The following NUP155 variants were observed in gnomAD, a reference collection of about 807,000 sequenced individuals.
NUP155 encodes the protein nuclear pore complex protein Nup155.
In NUP155, 71 loss-of-function variants were observed where a neutral mutation model predicts 180.4. The ratio of observed to expected loss-of-function variants is 0.39; its 90% CI spans 0.33 to 0.48. The LOEUF is 0.48. Ranked by LOEUF, NUP155 falls within the 20% of genes least tolerant of loss-of-function variation. The pLI is 0.91. For synonymous variants in NUP155, 582 were observed against 559.5 expected, an observed-to-expected ratio of 1.04 and a Z score of -0.57; for missense variants, 1,553 against 1,648.9, an observed-to-expected ratio of 0.94 and a Z score of 1.01.
At chr5:37,354,564 T>C (rs1034523764) in intron 4 of NUP155, among the ~76,000 whole-genome samples, 2 of 150,616 alleles carry the variant, frequency 1.3e-5, no homozygotes, top group Non-Finnish European at 3.0e-5. Context: ...GCTCAAGCGA[T>C]CCTCCCGCTT....
At chr5:37,319,813 G>A (rs1223184491) in intron 20 of NUP155, among the ~76,000 whole-genome samples, 1 of 152,142 alleles carries the variant, frequency 6.6e-6, no homozygotes, top group East Asian at 1.9e-4. Flanking sequence ...CAAAGTTGCG[G>A]TGAGCCGTGA....
chr5:37,329,200 A>G lies in NUP155; in HGVS notation c.1803T>C (p.Pro601=), dbSNP rs760092525. The G allele has an allele frequency of 6.2e-7, 1 of 1,612,508 alleles. No homozygotes were observed. Among genetic ancestry groups the G allele is most frequent in the South Asian group, 1.1e-5 (1 of 91,048 alleles). Residue 601 remains proline (P), a synonymous_variant, in exon 16 of 35, where the codon CCT becomes CCC. Coordinates refer to ENST00000231498, the MANE Select transcript of NUP155 (RefSeq NM_153485.3). Reference sequence around the variant, plus strand: ...ATGTTCCATACTCACTAGAATAGACAGGAGACCCCAAGATGGGACCAACAT... The same window carrying G: ...ATGTTCCATACTCACTAGAATAGACGGGAGACCCCAAGATGGGACCAACAT... ...PSNVGPILGS[P]VYSSSPVPSG...
At chr5:37,293,737 C>T (rs1334122053) in intron 33 of NUP155, among the ~76,000 whole-genome samples, 5 of 77,446 alleles carry the variant, frequency 6.5e-5, no homozygotes, top group East Asian at 5.1e-4. Context: ...CGGTGGCTCA[C>T]GCCTGTAATC....
At chr5:37,321,155 T>C (rs183498252) in intron 20 of NUP155, among the ~76,000 whole-genome samples, 1 of 151,968 alleles carries the variant, frequency 6.6e-6, no homozygotes, top group Admixed American at 6.6e-5. Context: ...AGATCAGCCT[T>C]GCCAACATGG....
At chr5:37,354,866 C>A (rs1484951603) in intron 4 of NUP155, among the ~76,000 whole-genome samples, 2 of 151,956 alleles carry the variant, frequency 1.3e-5, no homozygotes, top group African/African-American at 4.8e-5. Context: ...CAGAGACGGG[C>A]GGATCACTTG....
At chr5:37,295,401 A>C (rs217811) in intron 32 of NUP155, among the ~76,000 whole-genome samples, 4,104 of 151,520 alleles carry the variant, frequency 0.027, 189 homozygotes, top group African/African-American at 0.094. Flanking sequence ...TCCCTACAAC[A>C]TCCACCTCCC....
chr5:37,342,505 G>GA (rs1346524252), intron 10 of NUP155, 44 bp downstream of exon 10: 1 of 1,196,020 alleles, frequency 8.4e-7, no homozygotes, highest in Non-Finnish European at 1.2e-6. Context: ...AGAATTTTCA[G>GA]AAGTTGTAAC....
intron 21 of NUP155, among the ~76,000 whole-genome samples, chr5:37,317,186 A>G (rs1401702365): frequency 6.8e-6 from 1 of 146,184 alleles, no homozygotes; most frequent in Non-Finnish European, 1.5e-5. Flanking sequence ...TAAATAAATA[A>G]ATAAAATAAA....
In NUP155 at chr5:37,364,395, A is replaced by T. The variant is rs765060971; in HGVS notation, c.158-11T>A. The T allele has an allele frequency of 6.2e-7, 1 of 1,610,076 alleles. No individual in the cohort carries two copies. Among genetic ancestry groups the T allele is most frequent in the Non-Finnish European group, 8.5e-7 (1 of 1,176,464 alleles). ...AAACGGTGGGATTATCTACAAAAAGAAAATGAAGTATTTATAATAATGTAC... is the reference window on the plus strand; with the variant it reads ...AAACGGTGGGATTATCTACAAAAAGTAAATGAAGTATTTATAATAATGTAC... On this transcript the variant is annotated splice_polypyrimidine_tract_variant and intron_variant, in intron 1 of 34. Coordinates refer to ENST00000231498, the MANE Select transcript of NUP155 (RefSeq NM_153485.3).
chr5:37,327,810 T>A, intron 17 of NUP155, 34 bp from the exon 18 acceptor site: 1 of 1,608,324 alleles, frequency 6.2e-7, no homozygotes, highest in Non-Finnish European at 8.5e-7. Flanking sequence ...AATCTCTTAA[T>A]CTTAATCTTA....
At chr5:37,307,669 TC>T (rs1743242466) in intron 24 of NUP155, among the ~76,000 whole-genome samples, 1 of 152,152 alleles carries the variant, frequency 6.6e-6, no homozygotes, top group Non-Finnish European at 1.5e-5. Flanking sequence ...ACGCCTGTAA[TC>T]CCAGCACTTT....
intron 4 of NUP155, among the ~76,000 whole-genome samples, chr5:37,357,791 G>C (rs983058798): frequency 6.6e-6 from 1 of 151,826 alleles, no homozygotes; most frequent in African/African-American, 2.4e-5. Flanking sequence ...GTCAGGAGTT[G>C]AGACCAGCCT....
At chr5:37,301,590 G>T in intron 29 of NUP155, 40 bp from the exon 30 acceptor site, 1 of 1,192,886 alleles carries the variant, frequency 8.4e-7, no homozygotes, top group Non-Finnish European at 1.3e-6. Flanking sequence ...ATTTATTTAT[G>T]ATAAATCAAC....
chr5:37,335,383 A>C (rs1320361333), intron 12 of NUP155, among the ~76,000 whole-genome samples: 1 of 148,318 alleles, frequency 6.7e-6, no homozygotes, highest in Non-Finnish European at 1.5e-5. Flanking sequence ...TGTCTCAGAA[A>C]AAAAAAAAAA....
chr5:37,313,280 A>C (rs888326872), intron 22 of NUP155, among the ~76,000 whole-genome samples: 1 of 151,978 alleles, frequency 6.6e-6, no homozygotes, highest in East Asian at 1.9e-4. Context: ...AAATACAAAA[A>C]ATTAGCTGGG....
At chr5:37,337,294 T>C (rs1235718346) in intron 12 of NUP155, among the ~76,000 whole-genome samples, 1 of 151,990 alleles carries the variant, frequency 6.6e-6, no homozygotes, top group Non-Finnish European at 1.5e-5. Context: ...AAAAATGAAA[T>C]ACAATAAGAA....
chr5:37,337,165 T>A (rs1386623158), intron 12 of NUP155, among the ~76,000 whole-genome samples: 1 of 152,108 alleles, frequency 6.6e-6, no homozygotes, highest in Non-Finnish European at 1.5e-5. Flanking sequence ...GTTCGTGGGT[T>A]CATAGCAGCC....
At position 37,369,960 on chromosome 5, in the gene NUP155, T is replaced by C. The variant is rs556408552; in HGVS notation, c.157+861A>G. Among the ~76,000 whole-genome samples the C allele has an allele frequency of 1.8e-4, 27 of 152,382 alleles. No individual in the cohort carries two copies. The South Asian group carries it at 5.6e-3, about 32-fold the overall frequency. On this transcript the variant is annotated intron_variant, in intron 1 of 34. Coordinates refer to ENST00000231498, the MANE Select transcript of NUP155 (RefSeq NM_153485.3). ...CAGTCACCTATATTGTCAACACATA[T>C]TCTGCCTTACTCTCCCTGTACATAA...
intron 33 of NUP155, 136 bp from the exon 34 acceptor site, chr5:37,293,121 TA>T (rs1742322752): frequency 1.5e-6 from 1 of 648,150 alleles, no homozygotes; most frequent in African/African-American, 1.8e-5. Flanking sequence ...ACATGGCTAC[TA>T]AATTATATAT....
Sources: allele counts gnomAD v4.1 joint callset (sites outside exome capture counted in the v4.1 genomes callset), GRCh38; gene constraint gnomAD v4.1.1; transcripts MANE v1.5; gene names NCBI Gene and HGNC (gene_info 2026-07-23, HGNC 2026-07-21).